TXNDC11: variants seen among roughly 807,000 people sequenced by gnomAD.
TXNDC11 encodes thioredoxin domain-containing protein 11.
TXNDC11 carries 68 observed loss-of-function variants against 78.0 expected under a neutral mutation model. The ratio of observed to expected loss-of-function variants is 0.87; its 90% CI spans 0.72 to 1.07. The LOEUF is 1.07. Ranked by LOEUF, TXNDC11 falls within the 50% of genes least tolerant of loss-of-function variation. The probability of loss-of-function intolerance (pLI) is 0.00; values close to 1 mark genes in which losing one functional copy is unlikely to be tolerated. For synonymous variants in TXNDC11, 571 were observed against 495.2 expected, an observed-to-expected ratio of 1.15 and a Z score of -2.03; for missense variants, 1,389 against 1,221.8, an observed-to-expected ratio of 1.14 and a Z score of -2.04.
At chr16:11,683,658 G>A (rs958770956) in intron 11 of TXNDC11, among the ~76,000 whole-genome samples, 2 of 152,048 alleles carry the variant, frequency 1.3e-5, no homozygotes, top group African/African-American at 4.8e-5. Context: ...TCAAGCTCGG[G>A]TAAGAGATAG....
intron 8 of TXNDC11, among the ~76,000 whole-genome samples, chr16:11,689,170 C>T (rs1218470336): frequency 1.3e-5 from 2 of 151,002 alleles, no homozygotes; most frequent in Non-Finnish European, 2.9e-5. Flanking sequence ...CTCACTGTAG[C>T]CTTAAACTCC....
intron 5 of TXNDC11, among the ~76,000 whole-genome samples, chr16:11,718,027 T>C (rs2051594505): frequency 6.6e-6 from 1 of 150,444 alleles, no homozygotes; most frequent in South Asian, 2.1e-4. Context: ...TTTCTTTTAA[T>C]GTGTAAAAAT....
rs1036446891 is a variant in TXNDC11 at position 11,710,523 on chromosome 16, G to A, written c.794-9959C>T. 2.0e-5 allele frequency among the ~76,000 whole-genome samples: 3 copies of A among 152,166 alleles called. 1 individual carries two copies. The highest frequency in any genetic ancestry group is 4.1e-4 in the South Asian group (2 of 4,832). ...ACCTGAAGGCCAGTGAGAAAAGGCCGCTGGGCCATGATTATACCAGGATAC... is the reference window on the plus strand; with the variant it reads ...ACCTGAAGGCCAGTGAGAAAAGGCCACTGGGCCATGATTATACCAGGATAC... On this transcript the variant is annotated intron_variant, in intron 5 of 11. Coordinates refer to ENST00000283033, the MANE Select transcript of TXNDC11 (RefSeq NM_015914.7).
At chr16:11,727,712 T>A (rs1368225160) in intron 4 of TXNDC11, among the ~76,000 whole-genome samples, 1 of 134,894 alleles carries the variant, frequency 7.4e-6, no homozygotes, top group East Asian at 2.5e-4. Context: ...CAAGGCACTG[T>A]TTAATTTTCA....
intron 3 of TXNDC11, among the ~76,000 whole-genome samples, chr16:11,732,413 C>T (rs1300734238): frequency 6.6e-6 from 1 of 152,272 alleles, no homozygotes; most frequent in Admixed American, 6.5e-5. Context: ...GCAGGGCAAG[C>T]TCACCATCCC....
chr16:11,681,785 C>T (rs1174579492), intron 11 of TXNDC11, among the ~76,000 whole-genome samples: 1 of 152,220 alleles, frequency 6.6e-6, no homozygotes, highest in Non-Finnish European at 1.5e-5. Context: ...CAAGTGGCTC[C>T]AAGATGCCTC....
chr16:11,705,739 A>C (rs1230003522), intron 5 of TXNDC11, among the ~76,000 whole-genome samples: 7 of 152,238 alleles, frequency 4.6e-5, no homozygotes, highest in African/African-American at 1.7e-4. Context: ...AGAAATGTAC[A>C]AAAAACACGC....
At chr16:11,719,990 C>T (rs983622111) in intron 5 of TXNDC11, among the ~76,000 whole-genome samples, 5 of 152,074 alleles carry the variant, frequency 3.3e-5, no homozygotes, top group African/African-American at 1.2e-4. Flanking sequence ...GAAGGAGAAG[C>T]GAGTGGATAC....
intron 1 of TXNDC11, among the ~76,000 whole-genome samples, chr16:11,741,211 C>G (rs887405730): frequency 6.6e-6 from 1 of 152,208 alleles, no homozygotes; most frequent in African/African-American, 2.4e-5. Context: ...TCTTTGACAA[C>G]TGGCCACATA....
chr16:11,689,538 G>A (rs966853525), intron 8 of TXNDC11, among the ~76,000 whole-genome samples: 1 of 152,128 alleles, frequency 6.6e-6, no homozygotes, highest in African/African-American at 2.4e-5. Flanking sequence ...TTTTTTACAA[G>A]CTCCCTAAGA....
intron 10 of TXNDC11, 128 bp downstream of exon 10, chr16:11,687,729 T>G (rs2050603162): frequency 3.0e-6 from 2 of 656,878 alleles, no homozygotes; most frequent in African/African-American, 1.8e-5. Flanking sequence ...ACCTGACAAT[T>G]AAATTCAGCC....
Position 11,698,133 on chromosome 16 carries a change from T to G in TXNDC11, c.1099A>C (p.Ile367Leu). The G allele has an allele frequency of 6.2e-7, 1 of 1,614,238 alleles. No individual in the cohort carries two copies. The highest frequency in any genetic ancestry group is 8.5e-7 in the Non-Finnish European group (1 of 1,180,038). ...CACATCACAGCTCTTACCTCGTCTA[T>G]TAAAGGATGACTTTCGGCCAGGGGA... Reference protein sequence around the residue: ...FNPLAESHPLIDEITEVALEY... With the variant: ...FNPLAESHPLLDEITEVALEY... The change falls in exon 7 of 12, where the codon ATA (isoleucine) becomes CTA (leucine). Residue 367 changes from isoleucine (I) to leucine (L), a missense_variant. Physicochemically the swap from Ile to Leu is conservative, Grantham distance 5. Coordinates refer to ENST00000283033, the MANE Select transcript of TXNDC11 (RefSeq NM_015914.7).
intron 3 of TXNDC11, among the ~76,000 whole-genome samples, chr16:11,733,484 G>A (rs537096657): frequency 1.4e-5 from 2 of 146,870 alleles, no homozygotes; most frequent in South Asian, 2.2e-4. Flanking sequence ...CGGAGATCGC[G>A]CCACTGCACT....
intron 5 of TXNDC11, among the ~76,000 whole-genome samples, chr16:11,701,369 T>A (rs1419858617): frequency 1.3e-5 from 2 of 151,958 alleles, no homozygotes; most frequent in Non-Finnish European, 2.9e-5. Flanking sequence ...ACTCCTGACC[T>A]CAAGTGATGT....
chr16:11,694,148 T>G (rs951755935), intron 7 of TXNDC11, among the ~76,000 whole-genome samples: 1 of 144,248 alleles, frequency 6.9e-6, no homozygotes, highest in African/African-American at 2.5e-5. Context: ...TCACTCTTGT[T>G]GCCCAGGCCG....
At position 11,691,813 on chromosome 16, in the gene TXNDC11, G is replaced by A. The variant is rs1468175957; in HGVS notation, c.1377C>T (p.Ser459=). The A allele has an allele frequency of 3.1e-6, 5 of 1,614,132 alleles. No homozygotes were observed. The highest frequency in any genetic ancestry group is 1.1e-5 in the South Asian group (1 of 91,092). Residue 459 remains serine (S), a synonymous_variant, in exon 8 of 12, where the codon AGC becomes AGT. Coordinates refer to ENST00000283033, the MANE Select transcript of TXNDC11 (RefSeq NM_015914.7). The part of the protein sequence containing the change: ...TSGGMKPSSV[S]VPQCSFFEMA... ...TTTCAAAAAAGCTGCACTGTGGCAC[G>A]CTGACCGAGCTCGGCTTCATGCCCC...
chr16:11,692,794 A>G (rs1188803247), intron 7 of TXNDC11, among the ~76,000 whole-genome samples: 1 of 152,112 alleles, frequency 6.6e-6, no homozygotes, highest in African/African-American at 2.4e-5. Flanking sequence ...TGCCCATGAG[A>G]TAAAACCTCC....
intron 5 of TXNDC11, among the ~76,000 whole-genome samples, chr16:11,702,437 G>C (rs1249487298): frequency 6.6e-6 from 1 of 152,170 alleles, no homozygotes; most frequent in East Asian, 1.9e-4. Flanking sequence ...GGAGGCCGAG[G>C]TGGGTGGATT....
rs190119382 is a variant in TXNDC11 at position 11,704,417 on chromosome 16, A to G, written c.794-3853T>C. Among the ~76,000 whole-genome samples the G allele has an allele frequency of 3.0e-4, 46 of 152,342 alleles. 1 individual carries two copies. Among genetic ancestry groups the G allele is most frequent in the Non-Finnish European group, 8.8e-5 (6 of 68,040 alleles). ...AAAATTCATGAGCAGAAGTTTGAGG[A>G]TATATTTACATAGTGTCAAATGATC... On this transcript the variant is annotated intron_variant, in intron 5 of 11. Transcript: ENST00000283033.
Sources: gnomAD v4.1 joint callset for allele counts (sites outside exome capture counted in the v4.1 genomes callset) on GRCh38, gnomAD v4.1.1 for gene constraint, MANE v1.5 for transcripts, NCBI Gene and HGNC (gene_info 2026-07-23, HGNC 2026-07-21) for gene names.